Variants in STX3 observed in about 807,000 individuals in gnomAD.
STX3 encodes syntaxin-3.
STX3 carries 19 observed loss-of-function variants against 40.2 expected under a neutral mutation model. The observed-to-expected ratio is 0.47, with a 90% CI of 0.33 to 0.69. The LOEUF (loss-of-function observed/expected upper bound fraction) is 0.69. STX3 is among the 30% of genes least tolerant of loss of function. The probability of loss-of-function intolerance (pLI) is 0.02; values close to 1 mark genes in which losing one functional copy is unlikely to be tolerated. For synonymous variants in STX3, 122 were observed against 132.2 expected, an observed-to-expected ratio of 0.92 and a Z score of 0.53; for missense variants, 364 against 366.7, an observed-to-expected ratio of 0.99 and a Z score of 0.06.
chr11:59,780,622 G>C (rs947325196), intron 2 of STX3, among the ~76,000 whole-genome samples: 34 of 152,156 alleles, frequency 2.2e-4, no homozygotes, highest in Middle Eastern at 6.8e-3. Flanking sequence ...CGCCTCCATG[G>C]TCCCAGTTCT....
chr11:59,790,878 T>C (rs1215164271), intron 5 of STX3, among the ~76,000 whole-genome samples: 1 of 152,164 alleles, frequency 6.6e-6, no homozygotes, highest in African/African-American at 2.4e-5. Context: ...GAAATTAATG[T>C]CTTCTAACAA....
intron 1 of STX3, among the ~76,000 whole-genome samples, chr11:59,763,913 G>A (rs1381707014): frequency 6.6e-6 from 1 of 152,016 alleles, no homozygotes; most frequent in African/African-American, 2.4e-5. Context: ...AGCTACTTGG[G>A]AGACTGAGGC....
chr11:59,757,673 G>A (rs1168915088), intron 1 of STX3, among the ~76,000 whole-genome samples: 1 of 152,192 alleles, frequency 6.6e-6, no homozygotes. Flanking sequence ...GCGTCTTGGA[G>A]CAGATGCATG....
At chr11:59,755,684 A>G (rs771042322) in intron 1 of STX3, 49 bp downstream of exon 1, 30 of 1,558,862 alleles carry the variant, frequency 1.9e-5, no homozygotes, top group Non-Finnish European at 2.5e-5. Context: ...GCTGCATGGG[A>G]GAGGGGCTTC....
chr11:59,781,725 G>A, intron 2 of STX3: 1 of 1,587,024 alleles, frequency 6.3e-7, no homozygotes, highest in Non-Finnish European at 8.6e-7. Context: ...GGCCATGGTG[G>A]GTGCGGGCGG....
At chr11:59,779,316 A>G (rs1421766465) in intron 2 of STX3, among the ~76,000 whole-genome samples, 1 of 152,126 alleles carries the variant, frequency 6.6e-6, no homozygotes, top group Non-Finnish European at 1.5e-5. Flanking sequence ...GTGGACTGCC[A>G]CCTTGCTGTA....
rs903343901 is a variant in STX3, at chr11:59,789,003, C to T, written c.289+56C>T. 2.7e-6 allele frequency: 4 copies of T among 1,497,486 alleles called. No individual in the cohort carries two copies. The African/African-American group carries it at 4.2e-5, about 16-fold the overall frequency. 92.8% of individuals were successfully genotyped at this position (1,497,486 alleles called of 1,614,324 possible). On this transcript the variant is annotated intron_variant, in intron 4 of 10. Transcript: ENST00000337979. ...CCCCACCACCATCTATCTCAGCTCCCCTAGGGTCCAGCTTTCCGAACTGAA... is the reference window on the plus strand; with the variant it reads ...CCCCACCACCATCTATCTCAGCTCCTCTAGGGTCCAGCTTTCCGAACTGAA...
At chr11:59,767,444 G>A (rs942086129) in intron 1 of STX3, among the ~76,000 whole-genome samples, 6 of 152,178 alleles carry the variant, frequency 3.9e-5, no homozygotes, top group African/African-American at 1.4e-4. Flanking sequence ...AGTCATGTGG[G>A]CTGAAGATAA....
intron 9 of STX3, among the ~76,000 whole-genome samples, chr11:59,796,136 C>A (rs533018107): frequency 6.6e-6 from 1 of 152,336 alleles, no homozygotes; most frequent in African/African-American, 2.4e-5. Context: ...TAACTGCTAT[C>A]TATACATTAT....
chr11:59,800,057 G>T, intron 10 of STX3: 6 of 985,388 alleles, frequency 6.1e-6, no homozygotes, highest in Non-Finnish European at 7.2e-6. Context: ...TTTTCAGGAC[G>T]TAACTCCTCA....
chr11:59,765,635 C>G (rs1863244041), intron 1 of STX3, among the ~76,000 whole-genome samples: 1 of 152,108 alleles, frequency 6.6e-6, no homozygotes, highest in Admixed American at 6.6e-5. Flanking sequence ...GAAACCCTGT[C>G]TCTACTAAAA....
intron 2 of STX3, among the ~76,000 whole-genome samples, chr11:59,780,958 CT>C (rs1394545718): frequency 6.6e-6 from 1 of 152,034 alleles, no homozygotes; most frequent in Admixed American, 6.6e-5. Flanking sequence ...TCATTCTTTT[CT>C]TTTCATTCAT....
intron 1 of STX3, among the ~76,000 whole-genome samples, chr11:59,768,581 C>T (rs992874849): frequency 2.0e-5 from 3 of 152,036 alleles, no homozygotes; most frequent in African/African-American, 7.3e-5. Context: ...GGGATGTGTG[C>T]AGAAGACATG....
At chr11:59,763,554 C>T (rs1430067878) in intron 1 of STX3, among the ~76,000 whole-genome samples, 2 of 152,152 alleles carry the variant, frequency 1.3e-5, no homozygotes, top group African/African-American at 2.4e-5. Context: ...AAGAAAATGC[C>T]AAATCTCACA....
rs61903590 is a variant in STX3, at chr11:59,802,693, T to C, written c.*1869T>C. The C allele has an allele frequency of 1.4e-4, 135 of 985,892 alleles. No homozygotes were observed. Among genetic ancestry groups the C allele is most frequent in the Non-Finnish European group, 1.6e-4 (131 of 829,946 alleles). The allele number at this position is 985,892 out of a possible 1,614,324, so 61.1% of individuals were successfully genotyped here. On this transcript the variant is annotated 3_prime_UTR_variant, in exon 11 of 11. Transcript: ENST00000337979. ...TAATTTAAAAATAAAAATGACTTTGTATTGATTGTGAAACGGTTCTGGCTC... is the reference window on the plus strand; with the variant it reads ...TAATTTAAAAATAAAAATGACTTTGCATTGATTGTGAAACGGTTCTGGCTC...
In STX3 at chr11:59,800,717, A is replaced by G. The variant is rs17154200; in HGVS notation, c.*31-138A>G. On this transcript the variant is annotated intron_variant, in intron 10 of 10. Transcript: ENST00000337979. The stretch of plus-strand genomic sequence containing the variant: ...TTGTACAGTGGGATATTTAACTCCA[A>G]GTTCTGTCCTGGGTTTGTCTATTTC... The G allele has an allele frequency of 0.07, 101,953 of 1,465,106 alleles. 4,824 individuals carry two copies. Among genetic ancestry groups the G allele is most frequent in the African/African-American group, 0.23 (16,134 of 70,774 alleles). 90.8% of individuals were successfully genotyped at this position (1,465,106 alleles called of 1,614,324 possible).
intron 10 of STX3, chr11:59,800,290 C>G (rs1179329983): frequency 6.0e-5 from 59 of 985,362 alleles, no homozygotes; most frequent in Non-Finnish European, 8.4e-6. Flanking sequence ...TTTATATTTC[C>G]TAGTAATGTG....
Position 59,802,576 on chromosome 11 carries a change from T to A in STX3, c.*1752T>A. On this transcript the variant is annotated 3_prime_UTR_variant, in exon 11 of 11. Coordinates refer to ENST00000337979, the MANE Select transcript of STX3 (RefSeq NM_004177.5). ...TAAAGGCCTTTGCTCTCCTCTGACA[T>A]TGAGGCCTGGGGCTTACAGTTTGGA... is the stretch of plus-strand genomic sequence containing the variant. 1.0e-6 allele frequency: 1 copy of A among 985,884 alleles called. No homozygotes were observed. The highest frequency in any genetic ancestry group is 1.1e-4 in the East Asian group (1 of 8,818). The allele number at this position is 985,884 out of a possible 1,614,324, so 61.1% of individuals were successfully genotyped here. A position where few individuals can be genotyped will look rare whatever the true frequency, so the allele number is the denominator to read the frequency against.
Position 59,781,734 on chromosome 11 carries a change from G to C in STX3, c.115-5303G>C. The C allele has an allele frequency of 1.1e-5, 17 of 1,580,516 alleles. 1 individual carries two copies. The South Asian group carries it at 1.9e-4, about 18-fold the overall frequency. The stretch of plus-strand genomic sequence containing the variant: ...AACTGTGGCCATGGTGGGTGCGGGC[G>C]GGCTGGCGTGCAGAGAGCAACATTT... On this transcript the variant is annotated intron_variant, in intron 2 of 10. Coordinates refer to ENST00000337979, the MANE Select transcript of STX3 (RefSeq NM_004177.5).
Sources: allele counts gnomAD v4.1 joint callset (sites outside exome capture counted in the v4.1 genomes callset), GRCh38; gene constraint gnomAD v4.1.1; transcripts MANE v1.5; gene names NCBI Gene and HGNC (gene_info 2026-07-23, HGNC 2026-07-21).